The following HTR4 variants were observed in gnomAD, a reference collection of about 807,000 sequenced individuals.
The protein encoded by HTR4 is 5-hydroxytryptamine receptor 4, also known as 5-hydroxytryptamine (serotonin) receptor 4, G protein-coupled.
A neutral mutation model predicts 36.8 loss-of-function variants in HTR4; 16 were observed. That is an observed-to-expected ratio of 0.43 (90% confidence interval 0.29 to 0.66). The LOEUF is 0.66. Ranked by LOEUF, HTR4 falls within the 30% of genes least tolerant of loss-of-function variation. The probability of loss-of-function intolerance (pLI) is 0.13; values close to 1 mark genes in which losing one functional copy is unlikely to be tolerated. For synonymous variants in HTR4, 189 were observed against 185.1 expected, an observed-to-expected ratio of 1.02 and a Z score of -0.17; for missense variants, 438 against 490.9, an observed-to-expected ratio of 0.89 and a Z score of 1.02.
rs372650282 is a variant in HTR4 at position 148,597,690 on chromosome 5, T to A, written c.26+39299A>T. Among the ~76,000 whole-genome samples, 7 of 152,242 alleles carry A rather than the reference T, an allele frequency of 4.6e-5. No individual in the cohort carries two copies. The East Asian group carries it at 1.3e-3, about 29-fold the overall frequency. ...GCATCGCACCTTTCAACTGTCACTT[T>A]CCTACATAGCCTTATCTGACCCTCC... On this transcript the variant is annotated intron_variant, in intron 2 of 6. Transcript: ENST00000377888.
chr5:148,622,305 T>G (rs1356862506), intron 2 of HTR4, among the ~76,000 whole-genome samples: 1 of 152,218 alleles, frequency 6.6e-6, no homozygotes, highest in Non-Finnish European at 1.5e-5. Flanking sequence ...TAAAACTGCT[T>G]TGTGGACTAA....
At chr5:148,487,629 G>C (rs574018063) in intron 6 of HTR4, among the ~76,000 whole-genome samples, 2 of 152,136 alleles carry the variant, frequency 1.3e-5, no homozygotes, top group Non-Finnish European at 2.9e-5. Flanking sequence ...TGATTCTTAC[G>C]CACACAGGTG....
At chr5:148,560,117 A>G (rs1049203763) in intron 2 of HTR4, among the ~76,000 whole-genome samples, 1 of 147,240 alleles carries the variant, frequency 6.8e-6, no homozygotes, top group African/African-American at 2.5e-5. Context: ...TTTGGCTTAT[A>G]TTACTTTGGG....
chr5:148,565,468 G>A (rs1012541002), intron 2 of HTR4, among the ~76,000 whole-genome samples: 1 of 152,104 alleles, frequency 6.6e-6, no homozygotes, highest in South Asian at 2.1e-4. Flanking sequence ...AAGAAATAAA[G>A]GTGCTGAAAC....
intron 2 of HTR4, among the ~76,000 whole-genome samples, chr5:148,605,220 T>C (rs564019764): frequency 6.6e-6 from 1 of 151,874 alleles, no homozygotes; most frequent in Non-Finnish European, 1.5e-5. Context: ...ATTCTTTCTA[T>C]GTTACCACAG....
chr5:148,547,155 G>A (rs931216657), intron 4 of HTR4, among the ~76,000 whole-genome samples: 5 of 152,172 alleles, frequency 3.3e-5, no homozygotes, highest in South Asian at 2.1e-4. Flanking sequence ...CCATGAAATA[G>A]GAGATGAACC....
At chr5:148,533,974 C>T (rs1177796951) in intron 4 of HTR4, among the ~76,000 whole-genome samples, 4 of 152,146 alleles carry the variant, frequency 2.6e-5, no homozygotes, top group African/African-American at 9.7e-5. Flanking sequence ...CTTTCCCTAA[C>T]AGTTGATTCT....
At chr5:148,490,713 T>C (rs962620562) in intron 6 of HTR4, 6 of 1,242,014 alleles carry the variant, frequency 4.8e-6, no homozygotes, top group Non-Finnish European at 5.2e-6. Flanking sequence ...TCAACTTTAC[T>C]AGGAACTCCC....
intron 1 of HTR4, among the ~76,000 whole-genome samples, chr5:148,647,660 C>T (rs1328286207): frequency 6.6e-6 from 1 of 152,146 alleles, no homozygotes; most frequent in Non-Finnish European, 1.5e-5. Flanking sequence ...ACCAGCCTGG[C>T]CAACACGGTG....
Position 148,536,775 on chromosome 5 carries a change from C to A in HTR4, c.353+11893G>T, listed in dbSNP as rs544255917. On this transcript the variant is annotated intron_variant, in intron 4 of 6. Transcript: ENST00000377888. ...AGACCTACAAAGAGACAACAATGCC[C>A]ACACAATAATAGTGGAAGGCTTCAG... is the stretch of plus-strand genomic sequence containing the variant. Among the ~76,000 whole-genome samples the A allele has an allele frequency of 7.2e-5, 11 of 152,214 alleles. No individual in the cohort carries two copies. In the South Asian group the frequency reaches 2.3e-3, roughly 32 times the overall value.
chr5:148,490,934 G>A (rs1445297473), intron 6 of HTR4: 2 of 425,534 alleles, frequency 4.7e-6, no homozygotes, highest in Non-Finnish European at 9.2e-6. Flanking sequence ...TTATTTATAT[G>A]TCATAAATTC....
intron 5 of HTR4, among the ~76,000 whole-genome samples, chr5:148,454,172 C>G (rs1172228919): frequency 1.3e-5 from 2 of 152,156 alleles, no homozygotes; most frequent in Non-Finnish European, 2.9e-5. Flanking sequence ...CATTTGACAA[C>G]TTATTTAATC....
At chr5:148,476,880 A>G (rs567184601), downstream of HTR4, 6 of 1,369,626 alleles carry the variant, frequency 4.4e-6, no homozygotes, top group East Asian at 1.2e-4. Flanking sequence ...TGGAGGCTGG[A>G]AAAGACTTCA....
At chr5:148,497,421 A>G (rs141427426) in intron 6 of HTR4, among the ~76,000 whole-genome samples, 142 of 152,280 alleles carry the variant, frequency 9.3e-4, no homozygotes, top group African/African-American at 3.2e-3. Flanking sequence ...GATCATACAG[A>G]TGGTTAATAA....
chr5:148,616,589 G>T (rs530089123), intron 2 of HTR4, among the ~76,000 whole-genome samples: 1 of 152,022 alleles, frequency 6.6e-6, no homozygotes, highest in Non-Finnish European at 1.5e-5. Flanking sequence ...GCTTTATTTT[G>T]TTCCTATTAC....
chr5:148,516,134 G>A (rs185851078), intron 5 of HTR4, among the ~76,000 whole-genome samples: 42 of 150,996 alleles, frequency 2.8e-4, no homozygotes, highest in Non-Finnish European at 5.6e-4. Flanking sequence ...TTATTACAAG[G>A]TTATGGTATA....
At chr5:148,479,079 C>T (rs1755795677), downstream of HTR4, among the ~76,000 whole-genome samples, 1 of 152,058 alleles carries the variant, frequency 6.6e-6, no homozygotes, top group South Asian at 2.1e-4. Context: ...TATACATTGT[C>T]ACACTGCCTT....
At chr5:148,452,920 G>C (rs149558376) in intron 5 of HTR4, among the ~76,000 whole-genome samples, 1 of 152,230 alleles carries the variant, frequency 6.6e-6, no homozygotes, top group African/African-American at 2.4e-5. Context: ...CTAGTGAGTC[G>C]TAGATGCTCA....
At chr5:148,461,228 G>A (rs549140328) in intron 5 of HTR4, among the ~76,000 whole-genome samples, 14 of 151,930 alleles carry the variant, frequency 9.2e-5, no homozygotes, top group East Asian at 5.8e-4. Context: ...AACAAAGAAC[G>A]AGGGCAACAA....
Sources: gnomAD v4.1 joint callset for allele counts (sites outside exome capture counted in the v4.1 genomes callset) on GRCh38, gnomAD v4.1.1 for gene constraint, MANE v1.5 for transcripts, NCBI Gene and HGNC (gene_info 2026-07-23, HGNC 2026-07-21) for gene names.